Variants in EVI5 observed in about 807,000 individuals in gnomAD.
The protein encoded by EVI5 is ecotropic viral integration site 5, also known as ecotropic viral integration site 5 protein homolog.
Under a neutral mutation model 112.0 loss-of-function variants are expected in EVI5, and 73 were observed. The ratio of observed to expected loss-of-function variants is 0.65; its 90% CI spans 0.54 to 0.79. The LOEUF (loss-of-function observed/expected upper bound fraction) is 0.79, where lower values mean the gene tolerates loss of function less well. EVI5 is among the 30% of genes least tolerant of loss of function. EVI5 has a pLI of 0.00. For synonymous variants in EVI5, 305 were observed against 319.9 expected (o/e 0.95, Z 0.50); for missense variants, 900 against 968.8 (o/e 0.93, Z 0.94).
intron 14 of EVI5, among the ~76,000 whole-genome samples, chr1:92,629,394 C>T (rs1177692030): frequency 2.0e-5 from 3 of 152,188 alleles, no homozygotes; most frequent in South Asian, 4.1e-4. Flanking sequence ...ACAAACGACA[C>T]AGAGCCCAGG....
intron 18 of EVI5, among the ~76,000 whole-genome samples, chr1:92,590,206 G>A (rs1039798804): frequency 1.5e-4 from 23 of 152,246 alleles, no homozygotes; most frequent in Admixed American, 2.0e-4. Context: ...AAAGCAGAGC[G>A]CCTCTCCTCC....
chr1:92,663,511 A>C, intron 11 of EVI5, 59 bp from the exon 12 acceptor site: 1 of 864,802 alleles, frequency 1.2e-6, no homozygotes, highest in Non-Finnish European at 1.7e-6. Flanking sequence ...TGATAAAATT[A>C]GGAAAAAAGA....
chr1:92,696,200 G>A (rs1670296360), intron 6 of EVI5, among the ~76,000 whole-genome samples: 4 of 152,030 alleles, frequency 2.6e-5, no homozygotes, highest in Admixed American at 2.0e-4. Flanking sequence ...CTAAAGTGCT[G>A]GGATTACAAA....
At chr1:92,712,154 C>T (rs182617158) in intron 2 of EVI5, among the ~76,000 whole-genome samples, 3 of 152,046 alleles carry the variant, frequency 2.0e-5, no homozygotes, top group Non-Finnish European at 2.9e-5. Context: ...CATGCCTAAC[C>T]CAGAGAGGAA....
chr1:92,555,682 T>C (rs979897157), intron 19 of EVI5, among the ~76,000 whole-genome samples: 17 of 151,942 alleles, frequency 1.1e-4, no homozygotes, highest in South Asian at 8.3e-4. Flanking sequence ...AAACCCTGTG[T>C]CTGCTAAGAT....
intron 10 of EVI5, among the ~76,000 whole-genome samples, chr1:92,675,541 A>AG (rs1666587587): frequency 6.6e-6 from 1 of 152,092 alleles, no homozygotes; most frequent in Non-Finnish European, 1.5e-5. Context: ...CCCCATCCTC[A>AG]GATTCTTGAT....
chr1:92,630,671 A>C (rs1255100549), intron 14 of EVI5, among the ~76,000 whole-genome samples: 3 of 151,908 alleles, frequency 2.0e-5, no homozygotes, highest in Non-Finnish European at 4.4e-5. Context: ...TCTTTAGTTT[A>C]ATTAGATCCC....
At position 92,607,570 on chromosome 1, in the gene EVI5, G is replaced by A; in HGVS notation, c.1974+11C>T. 1 of 1,538,728 alleles carries A rather than the reference G, an allele frequency of 6.5e-7. No homozygotes were observed. The highest frequency in any genetic ancestry group is 8.7e-7 in the Non-Finnish European group (1 of 1,148,448). On this transcript the variant is annotated intron_variant, in intron 17 of 19. Coordinates refer to ENST00000684568, the MANE Select transcript of EVI5 (RefSeq NM_001350197.2). Reference sequence around the variant, plus strand: ...TGACAAAAAACAAAATCAGTTAGTTGACATATTTACCTTGCATTCAATCTC... The same window carrying A: ...TGACAAAAAACAAAATCAGTTAGTTAACATATTTACCTTGCATTCAATCTC...
chr1:92,629,712 A>G (rs1423509911), intron 14 of EVI5, among the ~76,000 whole-genome samples: 1 of 151,896 alleles, frequency 6.6e-6, no homozygotes, highest in African/African-American at 2.4e-5. Context: ...CATGTGCACA[A>G]TGTGCAGGTT....
At chr1:92,709,150 TAGAAG>T (rs1404512521) in intron 2 of EVI5, among the ~76,000 whole-genome samples, 3 of 152,058 alleles carry the variant, frequency 2.0e-5, no homozygotes, top group African/African-American at 4.8e-5. Context: ...AAAGAACAGG[TAGAAG>T]AGAAGTTTTG....
intron 18 of EVI5, among the ~76,000 whole-genome samples, chr1:92,577,548 T>C (rs1299769857): frequency 3.3e-5 from 5 of 152,224 alleles, no homozygotes; most frequent in African/African-American, 4.8e-5. Flanking sequence ...GTTCCTAAGA[T>C]GCCTTCTTCA....
chr1:92,639,460 A>G (rs535001059), intron 13 of EVI5, among the ~76,000 whole-genome samples: 11 of 152,170 alleles, frequency 7.2e-5, no homozygotes, highest in African/African-American at 2.6e-4. Flanking sequence ...AAATATTTGT[A>G]TTGGGGGAAG....
At chr1:92,663,649 G>A (rs1340505617) in intron 11 of EVI5, among the ~76,000 whole-genome samples, 197 bp from the exon 12 acceptor site, 1 of 152,114 alleles carries the variant, frequency 6.6e-6, no homozygotes, top group Non-Finnish European at 1.5e-5. Flanking sequence ...ACAAGGATAG[G>A]TGGTTGAAAA....
At chr1:92,632,116 A>T (rs1380714078) in intron 14 of EVI5, among the ~76,000 whole-genome samples, 1 of 152,218 alleles carries the variant, frequency 6.6e-6, no homozygotes, top group African/African-American at 2.4e-5. Flanking sequence ...ATTGATGTTC[A>T]TCAGGGATAT....
chr1:92,792,154 C>T (rs1224365773), intron 1 of EVI5, among the ~76,000 whole-genome samples: 1 of 152,162 alleles, frequency 6.6e-6, no homozygotes, highest in Non-Finnish European at 1.5e-5. Context: ...TTGTTCATCA[C>T]TCGAATGGCT....
chr1:92,604,582 A>T (rs191437544), intron 18 of EVI5, among the ~76,000 whole-genome samples: 410 of 152,340 alleles, frequency 2.7e-3, no homozygotes, highest in Middle Eastern at 3.4e-3. Context: ...CTTGTTTTGT[A>T]TAAGTAGAAT....
At chr1:92,734,493 C>T (rs575877980) in intron 2 of EVI5, among the ~76,000 whole-genome samples, 14 of 151,610 alleles carry the variant, frequency 9.2e-5, no homozygotes, top group African/African-American at 2.2e-4. Flanking sequence ...TTTTTTGAGA[C>T]GGAGTCTCAC....
intron 16 of EVI5, among the ~76,000 whole-genome samples, chr1:92,609,683 T>TCA (rs1651286421): frequency 1.3e-5 from 2 of 151,912 alleles, no homozygotes; most frequent in African/African-American, 4.8e-5. Flanking sequence ...TAATAAATGT[T>TCA]CAGTTGTTGC....
At chr1:92,718,397 AACGC>A (rs1252333157) in intron 2 of EVI5, among the ~76,000 whole-genome samples, 1 of 152,200 alleles carries the variant, frequency 6.6e-6, no homozygotes, top group African/African-American at 2.4e-5. Flanking sequence ...ACTCACTCAA[AACGC>A]ACAATTATAT....
Sources: gnomAD v4.1 joint callset for allele counts (sites outside exome capture counted in the v4.1 genomes callset) on GRCh38, gnomAD v4.1.1 for gene constraint, MANE v1.5 for transcripts, NCBI Gene and HGNC (gene_info 2026-07-23, HGNC 2026-07-21) for gene names.